FRK: variants seen among roughly 807,000 people sequenced by gnomAD.
FRK encodes the protein tyrosine-protein kinase FRK.
In FRK, 51 loss-of-function variants were observed where a neutral mutation model predicts 56.4. The ratio of observed to expected loss-of-function variants is 0.90; its 90% CI spans 0.72 to 1.14. FRK has a LOEUF of 1.14. Ranked by LOEUF, FRK falls within the 50% of genes most tolerant of loss-of-function variation. FRK has a pLI of 0.00. For missense variants in FRK, 570 were observed against 601.4 expected (o/e 0.95, Z 0.55); for synonymous variants, 245 against 217.9 (o/e 1.12, Z -1.10).
chr6:115,984,376 C>T (rs986070411), intron 2 of FRK, among the ~76,000 whole-genome samples: 10 of 152,036 alleles, frequency 6.6e-5, no homozygotes, highest in Non-Finnish European at 1.3e-4. Context: ...GACCTTCACA[C>T]ACATTATCTC....
chr6:116,000,917 C>T (rs1347465596), intron 2 of FRK, among the ~76,000 whole-genome samples: 3 of 152,114 alleles, frequency 2.0e-5, no homozygotes, highest in South Asian at 2.1e-4. Flanking sequence ...CAAAAATGTT[C>T]ACAAGATACT....
Position 116,003,951 on chromosome 6 carries a change from A to C in FRK, c.392T>G (p.Leu131Ter), listed in dbSNP as rs1215018592. The C allele has an allele frequency of 6.2e-7, 1 of 1,613,220 alleles. No individual in the cohort carries two copies. Among genetic ancestry groups the C allele is most frequent in the East Asian group, 2.2e-5 (1 of 44,806 alleles). ...IGRSDAEKQL[L>*]YSENKTGSFL... ...GGAACCGGTCTTGTTTTCTGAATAT[A>C]ATAGTTGTTTCTCTGCATCTGATCT... Residue 131 changes from leucine (L) to a stop codon, truncating the protein, a stop_gained, in exon 2 of 8, where the codon TTA becomes TGA. Coordinates refer to ENST00000606080, the MANE Select transcript of FRK (RefSeq NM_002031.3). LOFTEE classifies it high-confidence loss of function.
chr6:116,003,817 GA>G, intron 2 of FRK, 59 bp downstream of exon 2: 1 of 1,578,112 alleles, frequency 6.3e-7, no homozygotes, highest in South Asian at 1.2e-5. Context: ...TGTTCACACA[GA>G]AAGCTCATGA....
chr6:116,046,684 G>A (rs935320927), intron 1 of FRK, among the ~76,000 whole-genome samples: 3 of 152,114 alleles, frequency 2.0e-5, no homozygotes, highest in African/African-American at 7.2e-5. Flanking sequence ...TAAGGTAGGT[G>A]ATGGGTTAAT....
the FRK span, among the ~76,000 whole-genome samples, chr6:116,090,678 A>G: frequency 1.3e-5 from 2 of 152,214 alleles, no homozygotes; most frequent in Non-Finnish European, 1.5e-5. Context: ...CCATTAACCA[A>G]GGATCAAAAT....
the FRK span, among the ~76,000 whole-genome samples, chr6:116,079,453 C>T: frequency 1.3e-5 from 2 of 151,216 alleles, no homozygotes; most frequent in African/African-American, 2.4e-5. Flanking sequence ...ATCAGTTATG[C>T]ATGTTGAAAA....
Position 116,050,022 on chromosome 6 carries a change from T to G in FRK, c.344+9946A>C, listed in dbSNP as rs1345049741. On this transcript the variant is annotated intron_variant, in intron 1 of 7. Coordinates refer to ENST00000606080, the MANE Select transcript of FRK (RefSeq NM_002031.3). ...CATGAGTTGAACATTGTTTTTTACA[T>G]GCACACTACATGGCAGACAGTTTTT... Among the ~76,000 whole-genome samples, 3 of 152,194 alleles carry G rather than the reference T, an allele frequency of 2.0e-5. No homozygotes were observed. The South Asian group carries it at 6.2e-4, about 32-fold the overall frequency.
At chr6:115,979,557 GTC>G (rs1441038764) in intron 2 of FRK, among the ~76,000 whole-genome samples, 1 of 152,020 alleles carries the variant, frequency 6.6e-6, no homozygotes, top group East Asian at 1.9e-4. Flanking sequence ...ATCTGATGTA[GTC>G]TAACTGTACA....
intron 5 of FRK, among the ~76,000 whole-genome samples, chr6:115,949,955 T>C (rs2351597): frequency 1.3e-5 from 2 of 152,158 alleles, no homozygotes; most frequent in African/African-American, 4.8e-5. Context: ...TAAATAAATG[T>C]TGTTGGGAAA....
chr6:115,951,223 A>T (rs935443209), intron 5 of FRK, among the ~76,000 whole-genome samples: 1 of 152,172 alleles, frequency 6.6e-6, no homozygotes, highest in African/African-American at 2.4e-5. Context: ...TTTATAAAAG[A>T]CTTAGAAATT....
intron 1 of FRK, among the ~76,000 whole-genome samples, chr6:116,022,032 AT>A (rs532791300): frequency 7.1e-4 from 108 of 151,992 alleles, no homozygotes; most frequent in African/African-American, 2.0e-3. Context: ...AATAAAAAAA[AT>A]GTTAACAACC....
At chr6:116,059,312 A>G (rs1777526114) in intron 1 of FRK, among the ~76,000 whole-genome samples, 1 of 152,184 alleles carries the variant, frequency 6.6e-6, no homozygotes, top group African/African-American at 2.4e-5. Context: ...TTTCCTATCA[A>G]AATTTACCAA....
At position 115,944,372 on chromosome 6, in the gene FRK, C is replaced by A; in HGVS notation, c.1012G>T (p.Val338Phe). The change falls in exon 6 of 8, where the codon GTT (valine) becomes TTT (phenylalanine). Residue 338 changes from valine to phenylalanine, a missense_variant. Transcript: ENST00000606080. ...TCCAGATAGGCCATTCCAGAGGCAA[C>A]CTGTGCCGCCATGTCTACCTGTTGA... ...LTQQVDMAAQ[V>F]ASGMAYLESR... 1 of 1,612,680 alleles carries A rather than the reference C, an allele frequency of 6.2e-7. No homozygotes were observed. Among genetic ancestry groups the A allele is most frequent in the South Asian group, 1.1e-5 (1 of 90,952 alleles).
At chr6:115,956,636 CT>C in intron 4 of FRK, 26 bp from the exon 5 acceptor site, 2 of 1,493,984 alleles carry the variant, frequency 1.3e-6, no homozygotes, top group South Asian at 3.0e-5. Context: ...GGAGAAATCA[CT>C]TTATGTTATT....
chr6:116,098,174 T>C, the FRK span, among the ~76,000 whole-genome samples: 4 of 145,312 alleles, frequency 2.8e-5, no homozygotes, highest in Non-Finnish European at 4.5e-5. Flanking sequence ...TGCGATGGCC[T>C]GATTCCAGCC....
chr6:115,944,633 T>C (rs766992875), intron 5 of FRK, among the ~76,000 whole-genome samples: 2 of 152,140 alleles, frequency 1.3e-5, no homozygotes, highest in South Asian at 2.1e-4. Flanking sequence ...CTTGAATGAG[T>C]ATTACAAGTA....
At chr6:116,045,969 A>T (rs1776939535) in intron 1 of FRK, among the ~76,000 whole-genome samples, 1 of 152,226 alleles carries the variant, frequency 6.6e-6, no homozygotes, top group Non-Finnish European at 1.5e-5. Flanking sequence ...AACCCCATCA[A>T]AAAGTGGGTA....
chr6:115,967,702 T>C lies in FRK; in HGVS notation c.648A>G (p.Pro216=). The change falls in exon 4 of 8, where the codon CCA becomes CCG. Residue 216 remains proline (P), a synonymous_variant. Transcript: ENST00000606080. ...KPCLKIQVPA[P]FDLSYKTVDQ... is the part of the protein sequence containing the mutation. Reference sequence around the variant, plus strand: ...CCACGGTTTTATACGACAAATCAAATGGAGCTGGGACCTGGATCTGTTTCA... The same window carrying C: ...CCACGGTTTTATACGACAAATCAAACGGAGCTGGGACCTGGATCTGTTTCA... 6.2e-7 allele frequency: 1 copy of C among 1,608,528 alleles called. No individual in the cohort carries two copies.
intron 1 of FRK, among the ~76,000 whole-genome samples, chr6:116,009,467 T>C (rs1223887656): frequency 6.6e-6 from 1 of 152,210 alleles, no homozygotes; most frequent in Non-Finnish European, 1.5e-5. Context: ...TAGAAATTTG[T>C]ACAAGGCAGC....
Sources: gnomAD v4.1 joint callset for allele counts (sites outside exome capture counted in the v4.1 genomes callset) on GRCh38, gnomAD v4.1.1 for gene constraint, MANE v1.5 for transcripts, NCBI Gene and HGNC (gene_info 2026-07-23, HGNC 2026-07-21) for gene names.